ZFR2: variants seen among roughly 807,000 people sequenced by gnomAD.
The protein encoded by ZFR2 is zinc finger RNA binding protein 2.
Under a neutral mutation model 105.7 loss-of-function variants are expected in ZFR2, and 104 were observed. The ratio of observed to expected loss-of-function variants is 0.98; its 90% CI spans 0.84 to 1.16. The LOEUF (loss-of-function observed/expected upper bound fraction) is 1.16, where lower values mean the gene tolerates loss of function less well. ZFR2 is among the 50% of genes most tolerant of loss of function. ZFR2 has a pLI of 0.00. For synonymous variants in ZFR2, 634 were observed against 597.7 expected, an observed-to-expected ratio of 1.06 and a Z score of -0.89; for missense variants, 1,425 against 1,355.5, an observed-to-expected ratio of 1.05 and a Z score of -0.80.
In ZFR2 at chr19:3,804,921, C is replaced by A. The variant is rs2037681153; in HGVS notation, c.*1028G>T. 6.6e-6 allele frequency: 1 copy of A among 152,646 alleles called. No homozygotes were observed. Among genetic ancestry groups the A allele is most frequent in the African/African-American group, 2.4e-5 (1 of 41,456 alleles). The allele number at this position is 152,646 out of a possible 1,614,324, so 9.5% of individuals were successfully genotyped here. A position where few individuals can be genotyped will look rare whatever the true frequency, so the allele number is the denominator to read the frequency against. On this transcript the variant is annotated 3_prime_UTR_variant, in exon 19 of 19. Coordinates refer to ENST00000262961, the MANE Select transcript of ZFR2 (RefSeq NM_015174.2). ...TTGAGACAGGGTCTCGCTCTGTAACCCAGGCTGGAGTTCAGTAGCGCAATC... is the reference window on the plus strand; with the variant it reads ...TTGAGACAGGGTCTCGCTCTGTAACACAGGCTGGAGTTCAGTAGCGCAATC...
chr19:3,841,101 A>G (rs531562995), intron 1 of ZFR2, among the ~76,000 whole-genome samples: 1 of 152,360 alleles, frequency 6.6e-6, no homozygotes, highest in Admixed American at 6.5e-5. Context: ...GCTCTACACC[A>G]TGAAGGCAAA....
At chr19:3,852,873 C>T (rs960881044) in intron 1 of ZFR2, among the ~76,000 whole-genome samples, 1 of 151,244 alleles carries the variant, frequency 6.6e-6, no homozygotes, top group Non-Finnish European at 1.5e-5. Context: ...TGGTTGTCAC[C>T]ACTTGGGGGA....
intron 1 of ZFR2, among the ~76,000 whole-genome samples, chr19:3,842,844 C>T (rs569975763): frequency 2.0e-5 from 3 of 152,120 alleles, no homozygotes; most frequent in South Asian, 2.1e-4. Context: ...ACGCTGGTCT[C>T]GAACTCCTGA....
At chr19:3,824,203 G>A (rs2037925362) in intron 7 of ZFR2, among the ~76,000 whole-genome samples, 1 of 152,202 alleles carries the variant, frequency 6.6e-6, no homozygotes. Flanking sequence ...AGGAGGCTGA[G>A]CTGGGAGGAT....
chr19:3,848,112 T>C (rs2038201714), intron 1 of ZFR2, among the ~76,000 whole-genome samples: 1 of 152,200 alleles, frequency 6.6e-6, no homozygotes, highest in African/African-American at 2.4e-5. Context: ...CTGCCTCTTT[T>C]GTATAAAAAG....
chr19:3,812,230 C>T (rs568763699), intron 14 of ZFR2, among the ~76,000 whole-genome samples: 6 of 152,150 alleles, frequency 3.9e-5, no homozygotes, highest in South Asian at 2.1e-4. Flanking sequence ...AGGCGTGAGC[C>T]ACCGCGCCTG....
chr19:3,807,059 A>G lies in ZFR2; in HGVS notation c.2643+113T>C, dbSNP rs1018142310. 1.4e-4 allele frequency: 112 copies of G among 785,940 alleles called. No homozygotes were observed. In the African/African-American group the frequency reaches 1.8e-3, roughly 13 times the overall value. The allele number at this position is 785,940 out of a possible 1,614,324, so 48.7% of individuals were successfully genotyped here. A position where few individuals can be genotyped will look rare whatever the true frequency, so the allele number is the denominator to read the frequency against. ...ACGGGCCGCCCTCCTGTTCCTGTAC[A>G]TCTCAGTGGGAGGGAGAGAAGGGGA... On this transcript the variant is annotated intron_variant, in intron 18 of 18. Transcript: ENST00000262961.
chr19:3,855,428 G>A (rs8111014), intron 1 of ZFR2: 131,567 of 1,231,270 alleles, frequency 0.11, 9,066 homozygotes, highest in African/African-American at 0.32. Flanking sequence ...GCAGTCCCGG[G>A]CGATCCGGCG....
intron 1 of ZFR2, among the ~76,000 whole-genome samples, chr19:3,853,560 G>A (rs766538956): frequency 1.8e-4 from 27 of 152,036 alleles, no homozygotes; most frequent in South Asian, 8.3e-4. Context: ...ATCACACCCC[G>A]TGAGAGAAGC....
chr19:3,851,509 A>C (rs1399348985), intron 1 of ZFR2, among the ~76,000 whole-genome samples: 1 of 152,216 alleles, frequency 6.6e-6, no homozygotes, highest in Non-Finnish European at 1.5e-5. Context: ...TCCACTAAGC[A>C]TGCTTACACG....
At position 3,816,701 on chromosome 19, in the gene ZFR2, G is replaced by A. The variant is rs1465877779; in HGVS notation, c.2076C>T (p.Ile692=). ...GGAGCTGCCGGGGCAGCTGCTGGGCGATCCTCCGCAGCAGGCTGTGCGTGG... is the reference window on the plus strand; with the variant it reads ...GGAGCTGCCGGGGCAGCTGCTGGGCAATCCTCCGCAGCAGGCTGTGCGTGG... ...EKPTHSLLRR[I]AQQLPRQLQM... The change falls in exon 13 of 19, where the codon ATC becomes ATT. Residue 692 remains isoleucine (I), a synonymous_variant. Transcript: ENST00000262961. 5 of 1,610,252 alleles carry A rather than the reference G, an allele frequency of 3.1e-6. No individual in the cohort carries two copies. Among genetic ancestry groups the A allele is most frequent in the East Asian group, 2.2e-5 (1 of 44,768 alleles).
chr19:3,808,891 G>T lies in ZFR2; in HGVS notation c.2526C>A (p.Ala842=). ...ACTGACCTGTCAGGAGCGTCCCTGT[G>T]GCCACGCACTCCAGGACTCGCCTGA... ...DAVRRVLECV[A]TGTLLTDGPG... Residue 842 remains alanine (A), a synonymous_variant, in exon 17 of 19, where the codon GCC becomes GCA. Coordinates refer to ENST00000262961, the MANE Select transcript of ZFR2 (RefSeq NM_015174.2). 2 of 1,556,518 alleles carry T rather than the reference G, an allele frequency of 1.3e-6. No homozygotes were observed. The highest frequency in any genetic ancestry group is 2.4e-5 in the East Asian group (1 of 41,756).
chr19:3,827,719 C>G lies in ZFR2; in HGVS notation c.853-66G>C. On this transcript the variant is annotated intron_variant, in intron 5 of 18. Coordinates refer to ENST00000262961, the MANE Select transcript of ZFR2 (RefSeq NM_015174.2). ...ACACTGGCCACTGTCCCCTCCCCTGCAGGCCCCCGGCTTAGCGCGAGGGAA... is the reference window on the plus strand; with the variant it reads ...ACACTGGCCACTGTCCCCTCCCCTGGAGGCCCCCGGCTTAGCGCGAGGGAA... The G allele has an allele frequency of 2.0e-6, 3 of 1,532,132 alleles. No individual in the cohort carries two copies. The South Asian group carries it at 3.6e-5, about 19-fold the overall frequency. 94.9% of individuals were successfully genotyped at this position (1,532,132 alleles called of 1,614,324 possible).
intron 11 of ZFR2, 141 bp from the exon 12 acceptor site, chr19:3,819,376 A>G (rs1450416028): frequency 1.9e-5 from 17 of 879,008 alleles, no homozygotes; most frequent in African/African-American, 1.4e-4. Context: ...TCCAGTGCAC[A>G]CAGAGAGCCC....
chr19:3,811,111 G>A (rs1246125759), intron 15 of ZFR2, among the ~76,000 whole-genome samples, 161 bp downstream of exon 15: 1 of 152,236 alleles, frequency 6.6e-6, no homozygotes, highest in Admixed American at 6.5e-5. Flanking sequence ...AGCCAGCGTT[G>A]GTTGTCAAGT....
At chr19:3,818,052 A>G (rs2037845033) in intron 12 of ZFR2, among the ~76,000 whole-genome samples, 1 of 152,280 alleles carries the variant, frequency 6.6e-6, no homozygotes, top group Non-Finnish European at 1.5e-5. Flanking sequence ...CTGTTTGGGA[A>G]GATGAGACAG....
At chr19:3,806,566 G>A (rs1338462980) in intron 18 of ZFR2, among the ~76,000 whole-genome samples, 3 of 152,308 alleles carry the variant, frequency 2.0e-5, no homozygotes, top group Non-Finnish European at 2.9e-5. Context: ...GGCCGACACC[G>A]CTTCTTACGA....
At chr19:3,847,801 A>G (rs1357163852) in intron 1 of ZFR2, among the ~76,000 whole-genome samples, 2 of 152,120 alleles carry the variant, frequency 1.3e-5, no homozygotes, top group African/African-American at 4.8e-5. Context: ...GCCCTACACC[A>G]CCCACAAGGC....
At chr19:3,844,135 C>T (rs898267781) in intron 1 of ZFR2, among the ~76,000 whole-genome samples, 3 of 151,858 alleles carry the variant, frequency 2.0e-5, no homozygotes, top group East Asian at 1.9e-4. Flanking sequence ...TCCCCAACCA[C>T]GTGAATGTGC....
Sources: gnomAD v4.1 joint callset for allele counts (sites outside exome capture counted in the v4.1 genomes callset) on GRCh38, gnomAD v4.1.1 for gene constraint, MANE v1.5 for transcripts, NCBI Gene and HGNC (gene_info 2026-07-23, HGNC 2026-07-21) for gene names.